The following CDYL variants were observed in gnomAD, a reference collection of about 807,000 sequenced individuals.
The protein encoded by CDYL is chromodomain Y-like protein.
Under a neutral mutation model 47.3 loss-of-function variants are expected in CDYL, and 8 were observed. The observed-to-expected ratio is 0.17, with a 90% CI of 0.10 to 0.31. CDYL has a LOEUF of 0.31. CDYL is among the 10% of genes least tolerant of loss of function. CDYL has a pLI of 1.00. For synonymous variants in CDYL, 266 were observed against 265.0 expected (o/e 1.00, Z -0.04); for missense variants, 471 against 701.4 (o/e 0.67, Z 3.71).
At chr6:4,718,589 C>A (rs1757312640) in intron 2 of CDYL, 1 of 151,676 alleles carries the variant, frequency 6.6e-6, no homozygotes, top group Non-Finnish European at 1.5e-5. Context: ...CCATGGTTTC[C>A]TTAATCTGAA....
intron 1 of CDYL, among the ~76,000 whole-genome samples, chr6:4,842,055 ATAT>A (rs1760510429): frequency 6.9e-6 from 1 of 144,612 alleles, no homozygotes; most frequent in Non-Finnish European, 1.5e-5. Flanking sequence ...TATTATATTA[ATAT>A]TCATATTTAT....
intron 2 of CDYL, among the ~76,000 whole-genome samples, chr6:4,894,795 G>T (rs1762147703): frequency 6.6e-6 from 1 of 151,568 alleles, no homozygotes; most frequent in Admixed American, 6.6e-5. Context: ...CTCTTAGGAG[G>T]CCATAGATCT....
chr6:4,773,953 G>GA (rs1290317586), upstream of CDYL, among the ~76,000 whole-genome samples: 2 of 152,200 alleles, frequency 1.3e-5, no homozygotes, highest in African/African-American at 2.4e-5. This position sits in a 1 kb window ranked among gnomAD's most constrained non-coding sequence, Gnocchi z 4.6. Flanking sequence ...CCACAATGGG[G>GA]AAAATCGCCT....
chr6:4,895,000 T>G (rs1762173779), intron 2 of CDYL, among the ~76,000 whole-genome samples: 1 of 151,742 alleles, frequency 6.6e-6, no homozygotes, highest in Non-Finnish European at 1.5e-5. Context: ...TATACTTGTG[T>G]GTATGTTTAT....
intron 1 of CDYL, among the ~76,000 whole-genome samples, chr6:4,879,157 C>A (rs1036906316): frequency 8.5e-5 from 13 of 152,172 alleles, no homozygotes; most frequent in African/African-American, 2.9e-4. Flanking sequence ...TTTAAAGATA[C>A]ATTCGACAGT....
At chr6:4,876,011 G>C (rs1761611308) in intron 1 of CDYL, among the ~76,000 whole-genome samples, 1 of 152,096 alleles carries the variant, frequency 6.6e-6, no homozygotes, top group African/African-American at 2.4e-5. Flanking sequence ...ACTGCAACCA[G>C]TTGCTTAGCT....
chr6:4,845,721 G>A (rs1422531411), intron 1 of CDYL, among the ~76,000 whole-genome samples: 1 of 152,136 alleles, frequency 6.6e-6, no homozygotes, highest in Non-Finnish European at 1.5e-5. Context: ...TATTTATGGA[G>A]ACTGAAATAT....
chr6:4,800,777 T>G (rs1452262728), intron 1 of CDYL, among the ~76,000 whole-genome samples: 3 of 152,234 alleles, frequency 2.0e-5, no homozygotes, highest in African/African-American at 7.2e-5. Flanking sequence ...CTTAAAAGTT[T>G]CTAAGGAGAA....
chr6:4,785,838 G>T (rs1018237790), intron 1 of CDYL, among the ~76,000 whole-genome samples: 1 of 152,220 alleles, frequency 6.6e-6, no homozygotes, highest in African/African-American at 2.4e-5. Context: ...CCAGAGGCAG[G>T]TGAATTGACG....
At chr6:4,732,766 CA>C (rs1757630471) in intron 2 of CDYL, among the ~76,000 whole-genome samples, 3 of 151,714 alleles carry the variant, frequency 2.0e-5, no homozygotes, top group Admixed American at 2.0e-4. Context: ...AATAGATAAG[CA>C]AATGAAAGGG....
chr6:4,720,705 G>A lies in CDYL; in HGVS notation c.103+4824G>A, dbSNP rs898747816. Among the ~76,000 whole-genome samples the A allele has an allele frequency of 3.3e-5, 5 of 152,332 alleles. No individual in the cohort carries two copies. In the East Asian group the frequency reaches 7.7e-4, roughly 23 times the overall value. ...GAGCAGAAGTAGATCAAGAAAATTA[G>A]TATTAAATGGCAGGAGTAAAGGGAT... On this transcript the variant is annotated intron_variant, in intron 2 of 8. Transcript: ENST00000328908.
chr6:4,902,815 T>C (rs555209128), intron 2 of CDYL, among the ~76,000 whole-genome samples: 1 of 152,300 alleles, frequency 6.6e-6, no homozygotes, highest in African/African-American at 2.4e-5. Flanking sequence ...AGTACTTAGA[T>C]TGGATGGATG....
At chr6:4,751,480 CTCT>C (rs1419121052) in intron 3 of CDYL, among the ~76,000 whole-genome samples, 2 of 152,210 alleles carry the variant, frequency 1.3e-5, no homozygotes, top group Non-Finnish European at 2.9e-5. Context: ...TCCTACTTTG[CTCT>C]TCTTCTCCTT....
chr6:4,852,579 CCAAT>C, intron 1 of CDYL, among the ~76,000 whole-genome samples: 1 of 136,122 alleles, frequency 7.3e-6, no homozygotes, highest in African/African-American at 3.2e-5. Flanking sequence ...TTCCTTCCTT[CCAAT>C]CTTCCTTCCT....
intron 1 of CDYL, among the ~76,000 whole-genome samples, chr6:4,869,270 G>A (rs1581224479): frequency 6.6e-6 from 1 of 151,568 alleles, no homozygotes; most frequent in Non-Finnish European, 1.5e-5. Context: ...TAATTTTTGT[G>A]TTTTTAGTAG....
intron 2 of CDYL, chr6:4,724,766 G>C (rs376201640): frequency 6.6e-6 from 1 of 152,058 alleles, no homozygotes; most frequent in South Asian, 2.1e-4. Flanking sequence ...CAAACCTTCG[G>C]GTGAGTGCTA....
At chr6:4,917,924 A>T (rs949266238) in intron 2 of CDYL, among the ~76,000 whole-genome samples, 2 of 152,242 alleles carry the variant, frequency 1.3e-5, no homozygotes, top group East Asian at 3.8e-4. Context: ...CATTGGATGC[A>T]ATAACTATAG....
intron 3 of CDYL, among the ~76,000 whole-genome samples, chr6:4,742,374 A>AG (rs1757812661): frequency 6.6e-6 from 1 of 151,652 alleles, no homozygotes; most frequent in African/African-American, 2.4e-5. Context: ...CAAAAAAAAA[A>AG]AAAAAAAGAA....
chr6:4,747,500 A>G (rs1757919164), intron 3 of CDYL, among the ~76,000 whole-genome samples: 1 of 152,162 alleles, frequency 6.6e-6, no homozygotes, highest in South Asian at 2.1e-4. Context: ...TCCTGCCACT[A>G]GAAATCTCAT....
Sources: allele counts gnomAD v4.1 joint callset (sites outside exome capture counted in the v4.1 genomes callset), GRCh38; gene constraint gnomAD v4.1.1; non-coding constraint Gnocchi (gnomAD v3.1); transcripts MANE v1.5; gene names NCBI Gene and HGNC (gene_info 2026-07-23, HGNC 2026-07-21).